Variants in C12orf56 observed in about 807,000 individuals in gnomAD.
C12orf56 encodes the protein chromosome 12 open reading frame 56.
A neutral mutation model predicts 69.9 loss-of-function variants in C12orf56; 71 were observed. The ratio of observed to expected loss-of-function variants is 1.02; its 90% CI spans 0.84 to 1.24. C12orf56 has a LOEUF of 1.24. C12orf56 is among the 50% of genes most tolerant of loss of function. The pLI, the probability that C12orf56 is intolerant of heterozygous loss-of-function variation, is 0.00. For missense variants in C12orf56, 732 were observed against 738.5 expected, an observed-to-expected ratio of 0.99 and a Z score of 0.10; for synonymous variants, 276 against 274.1, an observed-to-expected ratio of 1.01 and a Z score of -0.07.
intron 1 of C12orf56, among the ~76,000 whole-genome samples, chr12:64,384,585 AG>A (rs1289381929): frequency 6.6e-6 from 1 of 152,142 alleles, no homozygotes; most frequent in African/African-American, 2.4e-5. Context: ...GGCCTCATGG[AG>A]CCCAGGATAC....
intron 12 of C12orf56, 127 bp downstream of exon 12, chr12:64,270,409 C>T: frequency 1.1e-6 from 1 of 901,246 alleles, no homozygotes; most frequent in Non-Finnish European, 1.6e-6. Flanking sequence ...TCAAAAAGAA[C>T]AAACAAACAA....
rs1235365403 is a variant in C12orf56 at position 64,287,259 on chromosome 12, AAAAAGAAG to A, written c.1114-1207_1114-1200del. Among the ~76,000 whole-genome samples the A allele has an allele frequency of 9.2e-4, 89 of 97,244 alleles. 1 individual carries two copies. The highest frequency in any genetic ancestry group is 2.9e-3 in the African/African-American group (77 of 26,722). The allele number at this position is 97,244 out of a possible 152,430, so 63.8% of individuals were successfully genotyped here. On this transcript the variant is annotated intron_variant, in intron 6 of 12. Transcript: ENST00000543942. ...AGACTCCATCAAAAAAAAAAAAAAA[AAAAAGAAG>A]AAGAAGAAGAAGAAGAAGAAGAAGA...
chr12:64,279,394 C>T (rs1266805489), intron 8 of C12orf56, among the ~76,000 whole-genome samples: 1 of 152,176 alleles, frequency 6.6e-6, no homozygotes, highest in Non-Finnish European at 1.5e-5. Context: ...GGTTGAAAAG[C>T]AGCTGAAGGC....
rs1262611030 is a variant in C12orf56, at chr12:64,270,671, A to G, written c.1628T>C (p.Leu543Pro). 1.2e-6 allele frequency: 2 copies of G among 1,613,354 alleles called. No individual in the cohort carries two copies. The highest frequency in any genetic ancestry group is 1.7e-5 in the Admixed American group (1 of 59,822). ...ACTTAGCAGCTGAAATGAAGCTGAA[A>G]GACCCCTCACCACTTGTTTCACAAT... ...ASIVKQVVRG[L>P]SASFQLLSPC... is the part of the protein sequence containing the mutation. The change falls in exon 12 of 13, where the codon CTT becomes CCT. Residue 543 changes from leucine to proline, a missense_variant. Physicochemically the swap from Leu to Pro is moderately conservative, Grantham distance 98. Transcript: ENST00000543942.
At chr12:64,324,717 G>A (rs969285695) in intron 3 of C12orf56, among the ~76,000 whole-genome samples, 1 of 152,186 alleles carries the variant, frequency 6.6e-6, no homozygotes, top group African/African-American at 2.4e-5. Context: ...CATTTGGAAA[G>A]TATCATTTTG....
At chr12:64,385,212 G>A (rs1212403515) in intron 1 of C12orf56, among the ~76,000 whole-genome samples, 1 of 152,104 alleles carries the variant, frequency 6.6e-6, no homozygotes, top group Non-Finnish European at 1.5e-5. Context: ...CCCTTTCTTT[G>A]AGAAAATGAA....
chr12:64,384,546 G>A (rs543629107), intron 1 of C12orf56, among the ~76,000 whole-genome samples: 1 of 152,176 alleles, frequency 6.6e-6, no homozygotes, highest in Non-Finnish European at 1.5e-5. Context: ...AGGCCAGGCT[G>A]TAAAAGGTGC....
intron 3 of C12orf56, among the ~76,000 whole-genome samples, chr12:64,325,928 G>A (rs1032067002): frequency 2.0e-5 from 3 of 152,094 alleles, no homozygotes; most frequent in African/African-American, 7.2e-5. Flanking sequence ...ACTGACTCCA[G>A]GAAGGATCTA....
intron 1 of C12orf56, among the ~76,000 whole-genome samples, chr12:64,386,736 G>A (rs555142196): frequency 6.6e-6 from 1 of 151,964 alleles, no homozygotes; most frequent in Non-Finnish European, 1.5e-5. Flanking sequence ...TCACCACGTT[G>A]GCCAGGCTGA....
At chr12:64,381,562 A>G (rs564141083) in intron 1 of C12orf56, among the ~76,000 whole-genome samples, 1 of 152,342 alleles carries the variant, frequency 6.6e-6, no homozygotes, top group South Asian at 2.1e-4. Flanking sequence ...AGTTCAGCCT[A>G]TGCCCAGAAA....
chr12:64,345,468 G>A (rs1234795476), intron 2 of C12orf56, among the ~76,000 whole-genome samples: 34 of 152,128 alleles, frequency 2.2e-4, no homozygotes, highest in Admixed American at 2.2e-3. Flanking sequence ...ACTTCATCAG[G>A]GTCCTCCCAC....
chr12:64,335,915 T>A (rs2038990384), intron 2 of C12orf56, among the ~76,000 whole-genome samples: 1 of 152,218 alleles, frequency 6.6e-6, no homozygotes, highest in South Asian at 2.1e-4. Context: ...TTAGTCCTAA[T>A]AATTACCTTT....
At chr12:64,278,259 T>G (rs2038080498) in intron 8 of C12orf56, among the ~76,000 whole-genome samples, 1 of 152,210 alleles carries the variant, frequency 6.6e-6, no homozygotes, top group South Asian at 2.1e-4. Context: ...TATGCTAATA[T>G]GCACAGTGTA....
chr12:64,269,419 GC>G (rs2037953825), intron 12 of C12orf56, among the ~76,000 whole-genome samples: 1 of 152,162 alleles, frequency 6.6e-6, no homozygotes, highest in African/African-American at 2.4e-5. Flanking sequence ...TGAAGCCAAT[GC>G]TGGCTACTGT....
At chr12:64,308,150 C>T (rs1054481437) in intron 5 of C12orf56, among the ~76,000 whole-genome samples, 3 of 151,788 alleles carry the variant, frequency 2.0e-5, no homozygotes, top group African/African-American at 4.8e-5. Context: ...AAAACCCAGT[C>T]TCTACTAAAA....
chr12:64,311,949 C>T (rs1157684749), intron 5 of C12orf56, among the ~76,000 whole-genome samples: 1 of 151,962 alleles, frequency 6.6e-6, no homozygotes, highest in South Asian at 2.1e-4. Context: ...TGGGCATGAG[C>T]GAGTGACCAT....
rs567023466 is a variant in C12orf56 at position 64,281,000 on chromosome 12, C to A, written c.1311-3197G>T. ...AAACTAATACAATTTTGGCTGGGCACGGTGGCTCATACTTGTAATCCCAGC... is the reference window on the plus strand; with the variant it reads ...AAACTAATACAATTTTGGCTGGGCAAGGTGGCTCATACTTGTAATCCCAGC... On this transcript the variant is annotated intron_variant, in intron 8 of 12. Coordinates refer to ENST00000543942, the MANE Select transcript of C12orf56 (RefSeq NM_001170633.2). 1.6e-4 allele frequency among the ~76,000 whole-genome samples: 25 copies of A among 152,244 alleles called. 1 individual carries two copies. Among genetic ancestry groups the A allele is most frequent in the African/African-American group, 5.8e-4 (24 of 41,538 alleles).
chr12:64,379,433 C>T (rs929354465), intron 1 of C12orf56, among the ~76,000 whole-genome samples: 2 of 151,900 alleles, frequency 1.3e-5, no homozygotes, highest in Non-Finnish European at 1.5e-5. Flanking sequence ...CACAGGTGCC[C>T]GCCACCATGC....
chr12:64,309,798 A>G (rs1345067856), intron 5 of C12orf56, among the ~76,000 whole-genome samples: 4 of 152,056 alleles, frequency 2.6e-5, no homozygotes, highest in African/African-American at 7.2e-5. Context: ...GGTGTGAGCC[A>G]CTGCACCCGG....
Sources: allele counts gnomAD v4.1 joint callset (sites outside exome capture counted in the v4.1 genomes callset), GRCh38; gene constraint gnomAD v4.1.1; transcripts MANE v1.5; gene names NCBI Gene and HGNC (gene_info 2026-07-23, HGNC 2026-07-21).